Variants in CEP128 observed in about 807,000 individuals in gnomAD.
CEP128 encodes the protein centrosomal protein 128, also known as centrosomal protein 128kDa.
In CEP128, 132 loss-of-function variants were observed where a neutral mutation model predicts 156.7. The ratio of observed to expected loss-of-function variants is 0.84; its 90% confidence interval spans 0.73 to 0.97. The LOEUF (loss-of-function observed/expected upper bound fraction) is 0.97, where lower values mean the gene tolerates loss of function less well. Ranked by LOEUF, CEP128 falls within the 50% of genes least tolerant of loss-of-function variation. The probability of loss-of-function intolerance (pLI) is 0.00; values close to 1 mark genes in which losing one functional copy is unlikely to be tolerated. For synonymous variants in CEP128, 469 were observed against 448.9 expected (o/e 1.04, Z -0.57); for missense variants, 1,252 against 1,281.9 (o/e 0.98, Z 0.36).
At chr14:80,953,239 G>A (rs533318848) in intron 2 of CEP128, among the ~76,000 whole-genome samples, 1 of 152,388 alleles carries the variant, frequency 6.6e-6, no homozygotes, top group East Asian at 1.9e-4. Flanking sequence ...GAACGTCTAT[G>A]TAAAACTTTT....
chr14:80,705,591 G>A (rs1020306836), intron 19 of CEP128, among the ~76,000 whole-genome samples: 3 of 152,064 alleles, frequency 2.0e-5, no homozygotes, highest in Non-Finnish European at 4.4e-5. Flanking sequence ...CTTGAATGTG[G>A]GTAGGCTTTT....
At chr14:80,739,188 T>A (rs1898681796) in intron 19 of CEP128, among the ~76,000 whole-genome samples, 1 of 152,154 alleles carries the variant, frequency 6.6e-6, no homozygotes, top group Non-Finnish European at 1.5e-5. Context: ...ACTGCCTACT[T>A]CTAGACTATG....
At chr14:80,652,972 A>T (rs1403888961) in intron 19 of CEP128, among the ~76,000 whole-genome samples, 1 of 152,220 alleles carries the variant, frequency 6.6e-6, no homozygotes, top group East Asian at 1.9e-4. Context: ...GGATTAGCAA[A>T]ACGTGGCACA....
intron 19 of CEP128, among the ~76,000 whole-genome samples, chr14:80,679,243 G>T (rs1176179908): frequency 6.6e-6 from 1 of 152,188 alleles, no homozygotes; most frequent in Non-Finnish European, 1.5e-5. Flanking sequence ...TAGGGAACAA[G>T]GGAAGACAAC....
At position 80,787,033 on chromosome 14, in the gene CEP128, T is replaced by C. The variant is rs572300841; in HGVS notation, c.1561-1488A>G. Among the ~76,000 whole-genome samples the C allele has an allele frequency of 2.6e-5, 4 of 152,304 alleles. No individual in the cohort carries two copies. In the East Asian group the frequency reaches 7.7e-4, roughly 29 times the overall value. ...GAAAGAATGTAAGGTAGGAGAAATA[T>C]AGATGAGCCTAAGGGTAGATGTATT... On this transcript the variant is annotated intron_variant, in intron 14 of 24. Transcript: ENST00000555265.
At chr14:80,692,174 A>C (rs1278597000) in intron 19 of CEP128, among the ~76,000 whole-genome samples, 7 of 152,344 alleles carry the variant, frequency 4.6e-5, no homozygotes, top group Middle Eastern at 3.4e-3. Flanking sequence ...AAGATGGATC[A>C]GCATATTGTT....
At chr14:80,900,055 C>A in intron 6 of CEP128, 26 bp from the exon 7 acceptor site, 1 of 1,467,086 alleles carries the variant, frequency 6.8e-7, no homozygotes, top group South Asian at 1.2e-5. Flanking sequence ...CACAGTTATC[C>A]ATTTAGAATT....
chr14:80,946,959 TG>T lies in CEP128; in HGVS notation c.-171-7420del, dbSNP rs540598373. Among the ~76,000 whole-genome samples the T allele has an allele frequency of 1.7e-3, 252 of 152,282 alleles. 2 individuals are homozygous for T. The highest frequency in any genetic ancestry group is 5.9e-3 in the African/African-American group (244 of 41,558). On this transcript the variant is annotated intron_variant, in intron 2 of 7. Transcript: ENST00000555529. ...TCACAAGAACTGTTGTTTAAAAGTG[TG>T]AAGCACTTCCCCCTTCACTCTCCCT...
At chr14:80,671,281 T>C (rs189697300) in intron 19 of CEP128, among the ~76,000 whole-genome samples, 38 of 152,260 alleles carry the variant, frequency 2.5e-4, no homozygotes, top group Admixed American at 4.6e-4. Flanking sequence ...GCCTATTAAA[T>C]TGATTAAGTC....
At chr14:80,480,688 C>T (rs1033536282) in intron 14 of CEP128, among the ~76,000 whole-genome samples, 3 of 152,150 alleles carry the variant, frequency 2.0e-5, no homozygotes, top group Admixed American at 2.0e-4. Context: ...GCTCTGCTTC[C>T]CTTATAAAAC....
rs566348542 is a variant in CEP128, at chr14:80,750,929, G to C, written c.2613+5963C>G. On this transcript the variant is annotated intron_variant, in intron 18 of 24. Coordinates refer to ENST00000555265, the MANE Select transcript of CEP128 (RefSeq NM_152446.5). ...AAATTAAGGTTAAATAAGGTCATAA[G>C]AGTGGACTCTATCTGACAGGAATCC... 1.8e-3 allele frequency among the ~76,000 whole-genome samples: 279 copies of C among 152,296 alleles called. 1 individual carries two copies. Among genetic ancestry groups the C allele is most frequent in the Non-Finnish European group, 2.7e-3 (187 of 68,018 alleles).
chr14:80,790,577 T>G (rs1014425485), intron 14 of CEP128, among the ~76,000 whole-genome samples: 1 of 149,396 alleles, frequency 6.7e-6, no homozygotes, highest in African/African-American at 2.5e-5. Flanking sequence ...TCCATCTGGG[T>G]TTTTTTTTTC....
chr14:80,681,028 T>C (rs1471159342), intron 19 of CEP128, among the ~76,000 whole-genome samples: 1 of 148,330 alleles, frequency 6.7e-6, no homozygotes, highest in Non-Finnish European at 1.5e-5. Flanking sequence ...GCTGGCTATA[T>C]ACCATGCTGG....
chr14:80,487,643 A>C (rs1444884778), downstream of CEP128, among the ~76,000 whole-genome samples: 2 of 152,218 alleles, frequency 1.3e-5, no homozygotes, highest in African/African-American at 2.4e-5. Flanking sequence ...ACTCCTCAGC[A>C]AATGTAAAAG....
exon 15 of CEP128, chr14:80,478,325 G>A (rs1431567546): frequency 1.3e-5 from 2 of 151,998 alleles, no homozygotes; most frequent in African/African-American, 2.4e-5. Flanking sequence ...CACCATCATG[G>A]CTCCACGAGA....
chr14:80,787,126 C>G (rs769357294), intron 14 of CEP128, among the ~76,000 whole-genome samples: 2 of 152,206 alleles, frequency 1.3e-5, no homozygotes, highest in Non-Finnish European at 2.9e-5. Context: ...TTTTATCTCA[C>G]TGCTTCCAAT....
At chr14:80,867,420 G>A (rs1238791724) in intron 8 of CEP128, among the ~76,000 whole-genome samples, 1 of 152,064 alleles carries the variant, frequency 6.6e-6, no homozygotes, top group African/African-American at 2.4e-5. Flanking sequence ...TTGACCACAC[G>A]AAGCTGAAAC....
chr14:80,824,308 C>T (rs1301121871), intron 13 of CEP128, among the ~76,000 whole-genome samples: 1 of 152,208 alleles, frequency 6.6e-6, no homozygotes, highest in Non-Finnish European at 1.5e-5. Context: ...ACATTTTCCC[C>T]ACTGTTTTGG....
intron 19 of CEP128, among the ~76,000 whole-genome samples, chr14:80,596,842 A>AAAAAAAAAAAGG (rs1555379468): frequency 8.6e-5 from 6 of 69,912 alleles, no homozygotes; most frequent in Non-Finnish European, 1.2e-4. Flanking sequence ...AAAAAAAAAA[A>AAAAAAAAAAAGG]GGTGGGGGGG....
Sources: gnomAD v4.1 joint callset for allele counts (sites outside exome capture counted in the v4.1 genomes callset) on GRCh38, gnomAD v4.1.1 for gene constraint, MANE v1.5 for transcripts, NCBI Gene and HGNC (gene_info 2026-07-23, HGNC 2026-07-21) for gene names.